Variants in CD34 observed in about 807,000 individuals in gnomAD.
The protein encoded by CD34 is CD34 molecule.
In CD34, 34 loss-of-function variants were observed where a neutral mutation model predicts 40.1. The observed-to-expected ratio is 0.85, with a 90% CI of 0.65 to 1.13. The LOEUF is 1.13. CD34 is among the 50% of genes most tolerant of loss of function. The pLI is 0.00. For synonymous variants in CD34, 209 were observed against 190.0 expected, an observed-to-expected ratio of 1.10 and a Z score of -0.82; for missense variants, 426 against 466.9, an observed-to-expected ratio of 0.91 and a Z score of 0.81.
intron 1 of CD34, among the ~76,000 whole-genome samples, chr1:207,907,718 C>G (rs2267895): frequency 6.6e-6 from 1 of 152,044 alleles, no homozygotes; most frequent in Non-Finnish European, 1.5e-5. Context: ...CCAACATGCA[C>G]GCATCTTTCT....
At chr1:207,910,825 C>G (rs1290914419) in intron 1 of CD34, among the ~76,000 whole-genome samples, 177 bp downstream of exon 1, 2 of 150,818 alleles carry the variant, frequency 1.3e-5, no homozygotes, top group African/African-American at 4.9e-5. Context: ...CCTCCCACCC[C>G]CGTCAGCTCC....
At chr1:207,888,549 C>T (rs1344768853) in intron 7 of CD34, 133 bp downstream of exon 7, 4 of 866,394 alleles carry the variant, frequency 4.6e-6, no homozygotes, top group Non-Finnish European at 7.5e-6. Flanking sequence ...TGTGTGTGCA[C>T]ACATGCATAT....
At chr1:207,902,870 C>A (rs370912385) in intron 1 of CD34, among the ~76,000 whole-genome samples, 2 of 152,200 alleles carry the variant, frequency 1.3e-5, no homozygotes, top group Non-Finnish European at 2.9e-5. Context: ...TGGGGCCAGG[C>A]TCGCAGCTGC....
rs1328191716 is a variant in CD34, at chr1:207,898,970, C to T, written c.516+3G>A. The T allele has an allele frequency of 1.2e-6, 2 of 1,613,672 alleles. No homozygotes were observed. The highest frequency in any genetic ancestry group is 1.7e-6 in the Non-Finnish European group (2 of 1,179,720). On this transcript the variant is annotated splice_donor_region_variant and intron_variant, in intron 3 of 7. Coordinates refer to ENST00000310833, the MANE Select transcript of CD34 (RefSeq NM_001025109.2). ...TCTGCCATTTTTGGCCCAATTCACC[C>T]ACCTTGATGTCACTTAGGATAGGAG...
Position 207,884,550 on chromosome 1 carries a change from T to C in CD34, c.*3188A>G, listed in dbSNP as rs1467516035. ...TTTAGGAAGAGAAGCAGCATCCTGTTGCACAAAATCGATGACCTATTACTG... is the reference window on the plus strand; with the variant it reads ...TTTAGGAAGAGAAGCAGCATCCTGTCGCACAAAATCGATGACCTATTACTG... On this transcript the variant is annotated 3_prime_UTR_variant, in exon 8 of 8. Coordinates refer to ENST00000310833, the MANE Select transcript of CD34 (RefSeq NM_001025109.2). 6.6e-6 allele frequency: 1 copy of C among 152,352 alleles called. No individual in the cohort carries two copies. Among genetic ancestry groups the C allele is most frequent in the African/African-American group, 2.4e-5 (1 of 41,576 alleles). The allele number at this position is 152,352 out of a possible 1,614,324, so 9.4% of individuals were successfully genotyped here. A position where few individuals can be genotyped will look rare whatever the true frequency, so the allele number is the denominator to read the frequency against.
chr1:207,910,888 T>C, intron 1 of CD34, 114 bp downstream of exon 1: 1 of 1,076,172 alleles, frequency 9.3e-7, no homozygotes, highest in South Asian at 1.4e-5. Flanking sequence ...AGTGCGTGGG[T>C]TGGGCAGGGG....
chr1:207,896,132 A>T (rs1372605397), intron 4 of CD34, among the ~76,000 whole-genome samples: 1 of 152,232 alleles, frequency 6.6e-6, no homozygotes. Flanking sequence ...AGCCCTCTAC[A>T]GGCTGCGATC....
At position 207,909,971 on chromosome 1, in the gene CD34, G is replaced by A. The variant is rs555441889; in HGVS notation, c.79+1031C>T. ...GTGGGTGGCCCTTAGGATGTAGTGA[G>A]AGTACAGAATTGGGAGCCCTAGAGT... is the stretch of plus-strand genomic sequence containing the variant. On this transcript the variant is annotated intron_variant, in intron 1 of 7. Coordinates refer to ENST00000310833, the MANE Select transcript of CD34 (RefSeq NM_001025109.2). Among the ~76,000 whole-genome samples, 5 of 152,360 alleles carry A rather than the reference G, an allele frequency of 3.3e-5. No homozygotes were observed. In the South Asian group the frequency reaches 1.0e-3, roughly 32 times the overall value.
At position 207,889,873 on chromosome 1, in the gene CD34, A is replaced by C. The variant is rs190458103; in HGVS notation, c.598-252T>G. On this transcript the variant is annotated intron_variant, in intron 4 of 7. Coordinates refer to ENST00000310833, the MANE Select transcript of CD34 (RefSeq NM_001025109.2). ...ATCTAAGATGTTAGAGAACAAACTT[A>C]AAAAAATTGTCTCGTTGAAGCATTG... 2.6e-6 allele frequency: 4 copies of C among 1,554,470 alleles called. No homozygotes were observed. The South Asian group carries it at 3.7e-5, about 14-fold the overall frequency.
In CD34 at chr1:207,882,584, C is replaced by G. The variant is rs1380327984; in HGVS notation, c.*5154G>C. 6.6e-6 allele frequency: 1 copy of G among 152,198 alleles called. No individual in the cohort carries two copies. The highest frequency in any genetic ancestry group is 1.9e-4 in the East Asian group (1 of 5,200). 9.4% of individuals were successfully genotyped at this position (152,198 alleles called of 1,614,324 possible). ...AAAACAGACAGCCATCATAAACATG[C>G]TTTAATGAGCAATTGCAGCATGCTT... On this transcript the variant is annotated 3_prime_UTR_variant, in exon 8 of 8. Coordinates refer to ENST00000310833, the MANE Select transcript of CD34 (RefSeq NM_001025109.2).
intron 1 of CD34, among the ~76,000 whole-genome samples, chr1:207,907,644 A>G (rs962816768): frequency 1.3e-5 from 2 of 152,256 alleles, no homozygotes; most frequent in African/African-American, 4.8e-5. Flanking sequence ...GACGGACTCC[A>G]AGAGCACAGG....
chr1:207,881,876 T>C lies in CD34; in HGVS notation c.*5862A>G, dbSNP rs1191718539. The stretch of plus-strand genomic sequence containing the variant: ...ATTAATAAATAAAATTTTCTCAATT[T>C]TAATTTTTGAAACAGTAATAATTGA... On this transcript the variant is annotated 3_prime_UTR_variant, in exon 8 of 8. Transcript: ENST00000310833. 2 of 152,228 alleles carry C rather than the reference T, an allele frequency of 1.3e-5. No homozygotes were observed. The highest frequency in any genetic ancestry group is 4.8e-5 in the African/African-American group (2 of 41,472). The allele number at this position is 152,228 out of a possible 1,614,324, so 9.4% of individuals were successfully genotyped here.
rs758762726 is a variant in CD34, at chr1:207,887,709, A to C, written c.*29T>G. ...TGCAGAGAGGGGTGCTCTCTCGGACACTGCCCAGCCTTGCCCCACCTAGCC... is the reference window on the plus strand; with the variant it reads ...TGCAGAGAGGGGTGCTCTCTCGGACCCTGCCCAGCCTTGCCCCACCTAGCC... On this transcript the variant is annotated 3_prime_UTR_variant, in exon 8 of 8. Transcript: ENST00000310833. 578 of 1,613,706 alleles carry C rather than the reference A, an allele frequency of 3.6e-4. 4 individuals are homozygous for C. In the South Asian group the frequency reaches 3.9e-3, roughly 11 times the overall value.
chr1:207,891,760 C>T (rs1265735989), intron 4 of CD34, among the ~76,000 whole-genome samples: 1 of 150,928 alleles, frequency 6.6e-6, no homozygotes, highest in Non-Finnish European at 1.5e-5. Flanking sequence ...ACACGACCTA[C>T]GAGATTGGTA....
intron 1 of CD34, among the ~76,000 whole-genome samples, chr1:207,905,697 G>A (rs778820311): frequency 1.3e-5 from 2 of 152,196 alleles, no homozygotes. Flanking sequence ...CTTTTTGAGT[G>A]CCAACATGAT....
intron 1 of CD34, among the ~76,000 whole-genome samples, chr1:207,901,076 C>T (rs1419281635): frequency 6.7e-6 from 1 of 149,864 alleles, no homozygotes; most frequent in Non-Finnish European, 1.5e-5. Context: ...GAGATCATAG[C>T]TCACTGTAAC....
chr1:207,907,651 C>T (rs994397804), intron 1 of CD34, among the ~76,000 whole-genome samples: 4 of 152,218 alleles, frequency 2.6e-5, no homozygotes, highest in African/African-American at 9.6e-5. Flanking sequence ...TCCAAGAGCA[C>T]AGGTACTAAG....
At chr1:207,903,875 A>C (rs6667619) in intron 1 of CD34, among the ~76,000 whole-genome samples, 33,427 of 152,126 alleles carry the variant, frequency 0.22, 4,403 homozygotes, top group East Asian at 0.4. Flanking sequence ...TTCTTGAATC[A>C]TTTATGGTAG....
Position 207,899,905 on chromosome 1 carries a change from C to A in CD34, c.178G>T (p.Glu60Ter). The change falls in exon 2 of 8, where the codon GAA becomes TAA. Residue 60 changes from glutamate to a stop codon, truncating the protein, a stop_gained. Transcript: ENST00000310833. LOFTEE classifies it high-confidence loss of function. ...CCAAGGGTACTAGGTGTTGTAGTTT[C>A]TTGGTAGGATACATTTGTAGAAACA... The part of the protein sequence containing the change: ...SNVSTNVSYQ[E>*]TTTPSTLGST... 1 of 1,613,976 alleles carries A rather than the reference C, an allele frequency of 6.2e-7. No individual in the cohort carries two copies. The highest frequency in any genetic ancestry group is 8.5e-7 in the Non-Finnish European group (1 of 1,179,942).
Sources: gnomAD v4.1 joint callset for allele counts (sites outside exome capture counted in the v4.1 genomes callset) on GRCh38, gnomAD v4.1.1 for gene constraint, MANE v1.5 for transcripts, NCBI Gene and HGNC (gene_info 2026-07-23, HGNC 2026-07-21) for gene names.